Variants in TXLNB observed in about 807,000 individuals in gnomAD.
TXLNB encodes the protein beta-taxilin.
A neutral mutation model predicts 57.4 loss-of-function variants in TXLNB; 37 were observed. That is an observed-to-expected ratio of 0.64 (90% CI 0.50 to 0.85). The LOEUF is 0.85. TXLNB is among the 40% of genes least tolerant of loss of function. The pLI is 0.00. For missense variants in TXLNB, 848 were observed against 825.6 expected, an observed-to-expected ratio of 1.03 and a Z score of -0.33; for synonymous variants, 302 against 309.6, an observed-to-expected ratio of 0.98 and a Z score of 0.26.
intron 4 of TXLNB, 96 bp from the exon 5 acceptor site, chr6:139,262,869 T>A: frequency 7.9e-7 from 1 of 1,261,552 alleles, no homozygotes; most frequent in Non-Finnish European, 1.1e-6. Flanking sequence ...GCAGAGTAGG[T>A]GGGATGTTTT....
upstream of TXLNB, among the ~76,000 whole-genome samples, chr6:139,294,430 T>TC (rs948619444): frequency 6.6e-6 from 1 of 152,052 alleles, no homozygotes; most frequent in African/African-American, 2.4e-5. Flanking sequence ...AATGTTTGTG[T>TC]CCCCCCAAAA....
At chr6:139,305,176 T>C in the TXLNB span, among the ~76,000 whole-genome samples, 1 of 152,208 alleles carries the variant, frequency 6.6e-6, no homozygotes, top group African/African-American at 2.4e-5. Context: ...TTCATAACTC[T>C]CCCATTGAAA....
intron 6 of TXLNB, among the ~76,000 whole-genome samples, chr6:139,256,850 A>G (rs144161141): frequency 1.1e-3 from 167 of 152,348 alleles, no homozygotes; most frequent in African/African-American, 3.7e-3. Context: ...ACTGAATTCT[A>G]TGCTTCAAGA....
downstream of TXLNB, among the ~76,000 whole-genome samples, chr6:139,236,954 A>T (rs1271840953): frequency 2.6e-5 from 4 of 152,176 alleles, no homozygotes; most frequent in East Asian, 7.7e-4. Context: ...AAAACAAGGC[A>T]GCAACCCTAC....
the TXLNB span, among the ~76,000 whole-genome samples, chr6:139,232,913 G>A: frequency 2.0e-5 from 3 of 152,132 alleles, no homozygotes; most frequent in African/African-American, 7.2e-5. Flanking sequence ...CCATGTCCAG[G>A]AGGTTTATGT....
At chr6:139,216,071 C>T in the TXLNB span, among the ~76,000 whole-genome samples, 1 of 152,096 alleles carries the variant, frequency 6.6e-6, no homozygotes, top group Non-Finnish European at 1.5e-5. Context: ...TGTGGCGATT[C>T]CTCAGGGATC....
At chr6:139,323,181 G>A in the TXLNB span, among the ~76,000 whole-genome samples, 1 of 152,068 alleles carries the variant, frequency 6.6e-6, no homozygotes, top group Non-Finnish European at 1.5e-5. Flanking sequence ...CATTGCACGA[G>A]ATGAAGAAGG....
the TXLNB span, among the ~76,000 whole-genome samples, chr6:139,181,343 AC>A: frequency 6.6e-6 from 1 of 152,370 alleles, no homozygotes; most frequent in Middle Eastern, 3.4e-3. Context: ...AATTCCAGAA[AC>A]AATTCACATA....
At chr6:139,184,043 A>C in the TXLNB span, among the ~76,000 whole-genome samples, 1 of 152,186 alleles carries the variant, frequency 6.6e-6, no homozygotes, top group Non-Finnish European at 1.5e-5. Flanking sequence ...AGAGCTGCAC[A>C]TTGTTGTGGA....
chr6:139,276,065 C>T (rs913524399), intron 3 of TXLNB, among the ~76,000 whole-genome samples: 1 of 152,178 alleles, frequency 6.6e-6, no homozygotes, highest in Admixed American at 6.5e-5. Context: ...TTCTAAACAA[C>T]GACATAAAAT....
rs375239112 is a variant in TXLNB at position 139,262,668 on chromosome 6, T to C, written c.793A>G (p.Ser265Gly). The C allele has an allele frequency of 1.2e-6, 2 of 1,614,084 alleles. No individual in the cohort carries two copies. The highest frequency in any genetic ancestry group is 1.7e-5 in the Admixed American group (1 of 60,006). Residue 265 changes from serine to glycine, a missense_variant, in exon 5 of 10, where the codon AGT becomes GGT. Coordinates refer to ENST00000358430, the MANE Select transcript of TXLNB (RefSeq NM_153235.4). ...TDIQGQIEQQ[S>G]ERNMKLCQEN... is the part of the protein sequence containing the mutation. Reference sequence around the variant, plus strand: ...TGACAGAGCTTCATATTTCGCTCACTCTGCTGCTCGATCTGGCCCTGGATG... The same window carrying C: ...TGACAGAGCTTCATATTTCGCTCACCCTGCTGCTCGATCTGGCCCTGGATG...
the TXLNB span, among the ~76,000 whole-genome samples, chr6:139,164,190 C>T: frequency 5.9e-5 from 9 of 152,206 alleles, no homozygotes; most frequent in Admixed American, 1.3e-4. Context: ...CTTCCAGTCC[C>T]GTGCCCCACG....
At chr6:139,276,668 C>T (rs1776903442) in intron 3 of TXLNB, among the ~76,000 whole-genome samples, 162 bp downstream of exon 3, 1 of 152,192 alleles carries the variant, frequency 6.6e-6, no homozygotes, top group Admixed American at 6.5e-5. Context: ...GAGAATGCCA[C>T]ATCTTAGCTG....
At chr6:139,308,411 A>G in the TXLNB span, among the ~76,000 whole-genome samples, 1 of 152,256 alleles carries the variant, frequency 6.6e-6, no homozygotes, top group Non-Finnish European at 1.5e-5. Flanking sequence ...GGCAAGATGC[A>G]GTAGGTAGTG....
At chr6:139,163,739 C>T in the TXLNB span, among the ~76,000 whole-genome samples, 1 of 152,068 alleles carries the variant, frequency 6.6e-6, no homozygotes, top group African/African-American at 2.4e-5. Context: ...GGGGAATCTT[C>T]TCCTCCAGCC....
the TXLNB span, among the ~76,000 whole-genome samples, chr6:139,217,324 T>C: frequency 7.2e-5 from 11 of 152,218 alleles, no homozygotes; most frequent in Non-Finnish European, 1.0e-4. Context: ...AGCTGAAAGA[T>C]TGAGTGGAAA....
chr6:139,317,131 C>T, the TXLNB span, among the ~76,000 whole-genome samples: 3 of 151,922 alleles, frequency 2.0e-5, no homozygotes, highest in Non-Finnish European at 2.9e-5. Context: ...TTGAGAGAGA[C>T]AAAAATTGAG....
chr6:139,185,076 G>T, the TXLNB span, among the ~76,000 whole-genome samples: 2 of 152,164 alleles, frequency 1.3e-5, no homozygotes, highest in African/African-American at 2.4e-5. Context: ...AGTAAAGCCG[G>T]GTGAAGCCTA....
chr6:139,321,874 C>T, the TXLNB span, among the ~76,000 whole-genome samples: 54 of 152,124 alleles, frequency 3.5e-4, no homozygotes, highest in Admixed American at 2.6e-3. Flanking sequence ...CCTCGTGATC[C>T]GCCTGCCTCG....
Sources: gnomAD v4.1 joint callset for allele counts (sites outside exome capture counted in the v4.1 genomes callset) on GRCh38, gnomAD v4.1.1 for gene constraint, MANE v1.5 for transcripts, NCBI Gene and HGNC (gene_info 2026-07-23, HGNC 2026-07-21) for gene names.